Variants in PDE4D observed in about 807,000 individuals in gnomAD.
The protein encoded by PDE4D is phosphodiesterase 4D, also known as 3',5'-cyclic-AMP phosphodiesterase 4D.
In PDE4D, 24 loss-of-function variants were observed where a neutral mutation model predicts 87.4. That is an observed-to-expected ratio of 0.27 (90% CI 0.20 to 0.39). The LOEUF (loss-of-function observed/expected upper bound fraction) is 0.39. PDE4D is among the 10% of genes least tolerant of loss of function. The probability of loss-of-function intolerance (pLI) is 1.00; values close to 1 mark genes in which losing one functional copy is unlikely to be tolerated. For missense variants in PDE4D, 714 were observed against 1,041.0 expected (o/e 0.69, Z 4.32); for synonymous variants, 384 against 383.2 (o/e 1.00, Z -0.02).
intron 1 of PDE4D, among the ~76,000 whole-genome samples, chr5:60,198,214 T>A (rs1386727136): frequency 1.3e-5 from 2 of 151,520 alleles, no homozygotes; most frequent in Non-Finnish European, 3.0e-5. Flanking sequence ...GTATATGTGG[T>A]AGATAAAATA....
intron 3 of PDE4D, among the ~76,000 whole-genome samples, chr5:59,906,081 CTTAT>C (rs1413696441): frequency 1.3e-5 from 2 of 152,140 alleles, no homozygotes; most frequent in Non-Finnish European, 2.9e-5. Context: ...GGGCACTTCA[CTTAT>C]GCGATGGCAT....
In PDE4D at chr5:58,975,532, T is replaced by C; in HGVS notation, c.2013+125A>G. On this transcript the variant is annotated intron_variant, in intron 14 of 14. Transcript: ENST00000340635. The surrounding 1 kb of genome is among the most constrained non-coding windows in gnomAD (Gnocchi z 4.2). Reference sequence around the variant, plus strand: ...TTGGATCATAAATACTAAGGTGAAATTGAGCTTGTCAAAAACAAAGTAATT... The same window carrying C: ...TTGGATCATAAATACTAAGGTGAAACTGAGCTTGTCAAAAACAAAGTAATT... The C allele has an allele frequency of 1.5e-6, 1 of 678,692 alleles. No individual in the cohort carries two copies. Among genetic ancestry groups the C allele is most frequent in the South Asian group, 3.6e-5 (1 of 27,674 alleles). The allele number at this position is 678,692 out of a possible 1,614,324, so 42.0% of individuals were successfully genotyped here. A position where few individuals can be genotyped will look rare whatever the true frequency, so the allele number is the denominator to read the frequency against.
chr5:60,179,146 A>T (rs1346198921), intron 2 of PDE4D, among the ~76,000 whole-genome samples: 1 of 152,140 alleles, frequency 6.6e-6, no homozygotes. Flanking sequence ...TTATGCTATA[A>T]GTAGGGCGGT....
intron 2 of PDE4D, among the ~76,000 whole-genome samples, chr5:60,048,986 G>A (rs902290848): frequency 5.9e-5 from 9 of 152,194 alleles, no homozygotes; most frequent in East Asian, 1.9e-4. Flanking sequence ...CATTCTCCCC[G>A]TCACTTTCAG....
chr5:59,239,802 G>A (rs904888402), intron 1 of PDE4D, among the ~76,000 whole-genome samples: 1 of 152,120 alleles, frequency 6.6e-6, no homozygotes, highest in Non-Finnish European at 1.5e-5. Context: ...TTACTTGCCA[G>A]CTAGGGGACC....
At position 60,437,856 on chromosome 5, in the gene PDE4D, C is replaced by A. The variant is rs374350666; in HGVS notation, c.-90+50086G>T. 5.3e-5 allele frequency among the ~76,000 whole-genome samples: 8 copies of A among 152,076 alleles called. No individual in the cohort carries two copies. In the East Asian group the frequency reaches 1.5e-3, roughly 29 times the overall value. ...CCTGCTGTAGACATTTTATGTCTGG[C>A]CATAGAAGCTATGATGAATTTTTAT... On this transcript the variant is annotated intron_variant, in intron 1 of 16. Transcript: ENST00000502484.
At chr5:60,294,096 G>A in intron 1 of PDE4D, among the ~76,000 whole-genome samples, 1 of 152,108 alleles carries the variant, frequency 6.6e-6, no homozygotes, top group East Asian at 1.9e-4. Context: ...AGTATTTGGT[G>A]TTTTCAACCT....
chr5:59,629,717 G>A (rs1167276368), intron 1 of PDE4D, among the ~76,000 whole-genome samples: 1 of 152,162 alleles, frequency 6.6e-6, no homozygotes, highest in Non-Finnish European at 1.5e-5. Flanking sequence ...ACTTGATGAG[G>A]AAGCCATGCA....
chr5:59,473,559 T>C (rs1802813240), intron 1 of PDE4D, among the ~76,000 whole-genome samples: 1 of 152,124 alleles, frequency 6.6e-6, no homozygotes, highest in South Asian at 2.1e-4. Flanking sequence ...GAGAATTTCT[T>C]GTTTGTTGTG....
chr5:60,477,241 G>A (rs1179112025), intron 1 of PDE4D, among the ~76,000 whole-genome samples: 1 of 152,096 alleles, frequency 6.6e-6, no homozygotes, highest in East Asian at 1.9e-4. Context: ...TTGATTAGAG[G>A]CAGAATAGAG....
rs539762854 is a variant in PDE4D at position 59,067,402 on chromosome 5, A to G, written c.809-28431T>C. Among the ~76,000 whole-genome samples the G allele has an allele frequency of 9.3e-4, 141 of 152,314 alleles. 1 individual carries two copies. In the Middle Eastern group the frequency reaches 0.01, roughly 11 times the overall value. ...TAGCGTGAGCTGAAAGACAGAAAATAGCCATAGGTTTCTAAAGAGAGAAAA... is the reference window on the plus strand; with the variant it reads ...TAGCGTGAGCTGAAAGACAGAAAATGGCCATAGGTTTCTAAAGAGAGAAAA... On this transcript the variant is annotated intron_variant, in intron 5 of 14. Coordinates refer to ENST00000340635, the MANE Select transcript of PDE4D (RefSeq NM_001104631.2).
intron 8 of PDE4D, among the ~76,000 whole-genome samples, chr5:58,991,138 C>T (rs942619306): frequency 2.8e-4 from 43 of 151,990 alleles, no homozygotes; most frequent in Non-Finnish European, 1.2e-4. Context: ...AAAAATTAGT[C>T]AGGTGTGGTG....
chr5:59,608,798 G>A (rs944405453), intron 1 of PDE4D, among the ~76,000 whole-genome samples: 2 of 152,156 alleles, frequency 1.3e-5, no homozygotes, highest in Non-Finnish European at 2.9e-5. Context: ...TTATCAGACA[G>A]CAGTGATGAC....
intron 1 of PDE4D, among the ~76,000 whole-genome samples, chr5:59,456,293 T>C (rs1799914456): frequency 6.6e-6 from 1 of 152,172 alleles, no homozygotes; most frequent in African/African-American, 2.4e-5. Flanking sequence ...TCCTGTGCTA[T>C]TCTCCTGATA....
Position 60,402,493 on chromosome 5 carries a change from C to G in PDE4D, c.-90+85449G>C, listed in dbSNP as rs570654575. 1.1e-4 allele frequency among the ~76,000 whole-genome samples: 17 copies of G among 152,356 alleles called. No homozygotes were observed. The South Asian group carries it at 2.5e-3, about 22-fold the overall frequency. ...CTACCCTTGTTCCGTGGGACACCTA[C>G]AGCCACGAAGAGCTGCTTCATTCCT... On this transcript the variant is annotated intron_variant, in intron 1 of 16. Coordinates refer to the PDE4D transcript ENST00000502484.
chr5:59,874,771 C>T (rs1051703744), intron 1 of PDE4D, among the ~76,000 whole-genome samples: 1 of 152,180 alleles, frequency 6.6e-6, no homozygotes, highest in African/African-American at 2.4e-5. Flanking sequence ...GACTTGGTGA[C>T]TCCCTCCTCC....
intron 1 of PDE4D, among the ~76,000 whole-genome samples, chr5:59,653,138 A>G (rs544074479): frequency 6.6e-6 from 1 of 151,876 alleles, no homozygotes; most frequent in South Asian, 2.1e-4. Context: ...GTAAAATACA[A>G]CTATTGGTTA....
At chr5:59,158,577 T>C (rs915560529) in intron 5 of PDE4D, among the ~76,000 whole-genome samples, 1 of 152,226 alleles carries the variant, frequency 6.6e-6, no homozygotes, top group Non-Finnish European at 1.5e-5. Context: ...CACATTGCCT[T>C]GGTATCTTTT....
intron 1 of PDE4D, among the ~76,000 whole-genome samples, chr5:60,207,411 C>G (rs145837818): frequency 2.2e-4 from 33 of 152,310 alleles, no homozygotes; most frequent in South Asian, 1.9e-3. Flanking sequence ...CAGGGCCCTA[C>G]TTTAAGACGA....
Sources: allele counts gnomAD v4.1 joint callset (sites outside exome capture counted in the v4.1 genomes callset), GRCh38; gene constraint gnomAD v4.1.1; non-coding constraint Gnocchi (gnomAD v3.1); transcripts MANE v1.5; gene names NCBI Gene and HGNC (gene_info 2026-07-23, HGNC 2026-07-21).